The following FHIT variants were observed in gnomAD, a reference collection of about 807,000 sequenced individuals.
FHIT encodes bis(5'-adenosyl)-triphosphatase.
A neutral mutation model predicts 17.9 loss-of-function variants in FHIT; 19 were observed. That is an observed-to-expected ratio of 1.06 (90% CI 0.74 to 1.56). The LOEUF (loss-of-function observed/expected upper bound fraction) is 1.56. FHIT is among the 40% of genes most tolerant of loss of function. The probability of loss-of-function intolerance (pLI) is 0.00; values close to 1 mark genes in which losing one functional copy is unlikely to be tolerated. For missense variants in FHIT, 248 were observed against 189.2 expected, an observed-to-expected ratio of 1.31 and a Z score of -1.82; for synonymous variants, 81 against 69.7, an observed-to-expected ratio of 1.16 and a Z score of -0.81.
At chr3:60,408,034 T>A (rs1701937716) in intron 5 of FHIT, among the ~76,000 whole-genome samples, 1 of 152,170 alleles carries the variant, frequency 6.6e-6, no homozygotes, top group Admixed American at 6.5e-5. Flanking sequence ...ACATGCCTCA[T>A]TTTAAAGCTA....
At chr3:61,125,659 G>A (rs2036585629) in intron 2 of FHIT, among the ~76,000 whole-genome samples, 1 of 152,150 alleles carries the variant, frequency 6.6e-6, no homozygotes, top group South Asian at 2.1e-4. Context: ...TTTTCTTCAA[G>A]ATGTAAACAA....
intron 8 of FHIT, among the ~76,000 whole-genome samples, chr3:59,809,654 A>T (rs1315981082): frequency 6.6e-6 from 1 of 152,344 alleles, no homozygotes; most frequent in Admixed American, 6.5e-5. Flanking sequence ...AGAAACAAAT[A>T]GGGTCTGATT....
chr3:61,039,169 A>G (rs1017054410), intron 3 of FHIT, among the ~76,000 whole-genome samples: 2 of 152,208 alleles, frequency 1.3e-5, no homozygotes, highest in African/African-American at 4.8e-5. Context: ...GTAATCATGA[A>G]AGACACTCAA....
chr3:60,424,720 C>T (rs1340611136), intron 5 of FHIT, among the ~76,000 whole-genome samples: 1 of 152,058 alleles, frequency 6.6e-6, no homozygotes, highest in African/African-American at 2.4e-5. Context: ...ATGCTTACCT[C>T]AGGTACAAGT....
intron 3 of FHIT, among the ~76,000 whole-genome samples, chr3:60,888,256 A>G (rs1375442422): frequency 1.3e-5 from 2 of 152,218 alleles, no homozygotes; most frequent in African/African-American, 2.4e-5. Flanking sequence ...CTCCAACTCC[A>G]TTCAATGCCT....
rs115036430 is a variant in FHIT, at chr3:60,027,863, C to T, written c.104-13711G>A. Among the ~76,000 whole-genome samples, 717 of 152,218 alleles carry T rather than the reference C, an allele frequency of 4.7e-3. 7 individuals carry two copies. The highest frequency in any genetic ancestry group is 0.016 in the African/African-American group (660 of 41,524). ...GCTGTCTAGTGGAACTTTCTATATCCTATACTGTTCAATATAGTAGCCACT... is the reference window on the plus strand; with the variant it reads ...GCTGTCTAGTGGAACTTTCTATATCTTATACTGTTCAATATAGTAGCCACT... On this transcript the variant is annotated intron_variant, in intron 5 of 9. Coordinates refer to ENST00000492590, the MANE Select transcript of FHIT (RefSeq NM_002012.4).
intron 5 of FHIT, among the ~76,000 whole-genome samples, chr3:60,314,855 C>G (rs1709097417): frequency 6.6e-6 from 1 of 152,118 alleles, no homozygotes; most frequent in Non-Finnish European, 1.5e-5. Context: ...GAGGCCAATG[C>G]AGCAGGATCA....
intron 3 of FHIT, among the ~76,000 whole-genome samples, chr3:60,913,914 G>A (rs1553766509): frequency 6.6e-6 from 1 of 152,198 alleles, no homozygotes; most frequent in East Asian, 1.9e-4. Flanking sequence ...AGACAGTGAA[G>A]TCAGCCATCT....
intron 5 of FHIT, among the ~76,000 whole-genome samples, chr3:60,128,092 T>C (rs932073985): frequency 2.0e-5 from 3 of 152,208 alleles, no homozygotes; most frequent in Non-Finnish European, 4.4e-5. Context: ...TGAAACAACA[T>C]TGAGTATTTA....
intron 8 of FHIT, among the ~76,000 whole-genome samples, chr3:59,920,731 G>C (rs1575698337): frequency 6.6e-6 from 1 of 152,266 alleles, no homozygotes; most frequent in Non-Finnish European, 1.5e-5. Context: ...GTTTACATTA[G>C]TGAGATTGGT....
chr3:60,455,221 A>C (rs1410511313), intron 5 of FHIT, among the ~76,000 whole-genome samples: 2 of 152,108 alleles, frequency 1.3e-5, no homozygotes, highest in African/African-American at 4.8e-5. Context: ...TATCAACCCC[A>C]ATCGGGTTGG....
At chr3:59,889,568 T>C (rs905095426) in intron 8 of FHIT, among the ~76,000 whole-genome samples, 1 of 152,124 alleles carries the variant, frequency 6.6e-6, no homozygotes. Flanking sequence ...TTACCCTCCT[T>C]ATAACAGAGA....
At position 59,825,484 on chromosome 3, in the gene FHIT, C is replaced by T. The variant is rs527690049; in HGVS notation, c.349-73163G>A. ...ACTTTGGCTATTTTATTTCACTTCA[C>T]TTTTGGCCTCAGAGGACGAGAGAGA... On this transcript the variant is annotated intron_variant, in intron 8 of 9. Transcript: ENST00000492590. 1.9e-3 allele frequency among the ~76,000 whole-genome samples: 283 copies of T among 152,296 alleles called. 1 individual carries two copies. The highest frequency in any genetic ancestry group is 3.0e-3 in the Non-Finnish European group (201 of 67,998).
chr3:60,470,062 C>CTT (rs2033010833), intron 5 of FHIT, among the ~76,000 whole-genome samples: 6 of 141,136 alleles, frequency 4.3e-5, no homozygotes, highest in Admixed American at 7.0e-5. Context: ...CTTTCTTTCT[C>CTT]TCTCTCTCTC....
At chr3:59,918,096 G>A (rs1025164335) in intron 8 of FHIT, among the ~76,000 whole-genome samples, 2 of 152,152 alleles carry the variant, frequency 1.3e-5, no homozygotes, top group Non-Finnish European at 2.9e-5. Flanking sequence ...GCACCATGTC[G>A]AAGTCTCACC....
At chr3:60,812,376 T>A (rs1374295754) in intron 4 of FHIT, among the ~76,000 whole-genome samples, 1 of 151,980 alleles carries the variant, frequency 6.6e-6, no homozygotes, top group African/African-American at 2.4e-5. Flanking sequence ...CCCAAGCTGG[T>A]CTCGAACTCC....
At chr3:60,160,537 C>T (rs1465706626) in intron 5 of FHIT, among the ~76,000 whole-genome samples, 1 of 152,142 alleles carries the variant, frequency 6.6e-6, no homozygotes, top group Non-Finnish European at 1.5e-5. Context: ...TCAAGCCATC[C>T]ACTCACAGGA....
intron 1 of FHIT, among the ~76,000 whole-genome samples, chr3:61,237,363 G>A (rs1576277875): frequency 6.6e-6 from 1 of 152,168 alleles, no homozygotes; most frequent in Non-Finnish European, 1.5e-5. Context: ...TTACAGTACT[G>A]CAGATATGTT....
chr3:60,130,966 G>C (rs1211012780), intron 5 of FHIT, among the ~76,000 whole-genome samples: 8 of 107,142 alleles, frequency 7.5e-5, no homozygotes, highest in African/African-American at 2.3e-4. Flanking sequence ...TAAACCAGTA[G>C]AAAGGTATAT....
Sources: gnomAD v4.1 joint callset for allele counts (sites outside exome capture counted in the v4.1 genomes callset) on GRCh38, gnomAD v4.1.1 for gene constraint, MANE v1.5 for transcripts, NCBI Gene and HGNC (gene_info 2026-07-23, HGNC 2026-07-21) for gene names.